Variants in METTL8 observed in about 807,000 individuals in gnomAD.
The protein encoded by METTL8 is tRNA N(3)-cytidine methyltransferase METTL8, mitochondrial.
Under a neutral mutation model 48.7 loss-of-function variants are expected in METTL8, and 32 were observed. The ratio of observed to expected loss-of-function variants is 0.66; its 90% CI spans 0.50 to 0.88. The LOEUF (loss-of-function observed/expected upper bound fraction) is 0.88. Among genes scored for constraint, METTL8 ranks in the 40% least tolerant of loss-of-function variants. The probability of loss-of-function intolerance (pLI) is 0.00; values close to 1 mark genes in which losing one functional copy is unlikely to be tolerated. For missense variants in METTL8, 464 were observed against 474.4 expected (o/e 0.98, Z 0.20); for synonymous variants, 136 against 157.1 (o/e 0.87, Z 1.01).
At chr2:171,376,394 A>T (rs1686967255) in intron 2 of METTL8, among the ~76,000 whole-genome samples, 1 of 152,090 alleles carries the variant, frequency 6.6e-6, no homozygotes, top group South Asian at 2.1e-4. Context: ...AATTGGAAAA[A>T]AGGAAGTCAA....
intron 1 of METTL8, among the ~76,000 whole-genome samples, chr2:171,393,129 G>C (rs1574109973): frequency 2.0e-5 from 3 of 151,372 alleles, no homozygotes; most frequent in East Asian, 2.0e-4. Flanking sequence ...AAACAAAAAT[G>C]CATGCTTAAG....
At chr2:171,364,062 C>T (rs1365310494) in intron 2 of METTL8, among the ~76,000 whole-genome samples, 2 of 151,758 alleles carry the variant, frequency 1.3e-5, no homozygotes, top group African/African-American at 4.8e-5. Context: ...ATTTGCCCGC[C>T]TCAGCCTCCC....
chr2:171,353,391 T>C (rs1684171812), intron 3 of METTL8, among the ~76,000 whole-genome samples: 1 of 152,200 alleles, frequency 6.6e-6, no homozygotes, highest in African/African-American at 2.4e-5. Flanking sequence ...CTTCTAACTA[T>C]GTGGTCAATT....
rs538576608 is a variant in METTL8, at chr2:171,353,343, T to C, written c.235+7079A>G. ...CTGTGGTCTGAGCGACTGTTTGTTA[T>C]AATTTCTGTTCTTTTACATTTGCCG... On this transcript the variant is annotated intron_variant, in intron 3 of 9. Transcript: ENST00000375258. 7.9e-5 allele frequency among the ~76,000 whole-genome samples: 12 copies of C among 152,358 alleles called. No homozygotes were observed. The South Asian group carries it at 1.0e-3, about 13-fold the overall frequency.
At chr2:171,402,902 G>A (rs908935438) in intron 1 of METTL8, among the ~76,000 whole-genome samples, 1 of 152,136 alleles carries the variant, frequency 6.6e-6, no homozygotes, top group East Asian at 1.9e-4. Context: ...GGAGCCAACT[G>A]AACGTGTAGC....
At chr2:171,425,719 A>G (rs916230468) in intron 1 of METTL8, among the ~76,000 whole-genome samples, 1 of 152,248 alleles carries the variant, frequency 6.6e-6, no homozygotes, top group Admixed American at 6.5e-5. Context: ...GACTTCTACA[A>G]GAATTTGAGG....
chr2:171,386,018 A>G (rs1165110569), intron 2 of METTL8, among the ~76,000 whole-genome samples: 1 of 152,204 alleles, frequency 6.6e-6, no homozygotes, highest in Non-Finnish European at 1.5e-5. Context: ...CTGAAATAGT[A>G]ACTCCCAGAA....
At chr2:171,394,577 T>C (rs1688881879) in intron 1 of METTL8, among the ~76,000 whole-genome samples, 1 of 152,184 alleles carries the variant, frequency 6.6e-6, no homozygotes, top group Admixed American at 6.5e-5. Flanking sequence ...TATGTGGCAA[T>C]TTCCCTACTT....
At chr2:171,434,070 C>T (rs540152787), upstream of METTL8, 145 of 304,320 alleles carry the variant, frequency 4.8e-4, no homozygotes, top group Admixed American at 1.6e-3. Flanking sequence ...CACCGCGCCC[C>T]CAGGGCTCTG....
chr2:171,412,529 T>A (rs1469898082), intron 1 of METTL8, among the ~76,000 whole-genome samples: 1 of 152,022 alleles, frequency 6.6e-6, no homozygotes, highest in Non-Finnish European at 1.5e-5. Flanking sequence ...CTTTAGGCAG[T>A]CTTCAAAAGG....
intron 2 of METTL8, among the ~76,000 whole-genome samples, chr2:171,385,264 A>T (rs983612673): frequency 3.4e-4 from 52 of 151,998 alleles, no homozygotes; most frequent in African/African-American, 1.3e-3. Context: ...AAAATAAAAT[A>T]AAACAAAATT....
chr2:171,396,773 G>C (rs565917641), intron 1 of METTL8, among the ~76,000 whole-genome samples: 1 of 151,780 alleles, frequency 6.6e-6, no homozygotes, highest in African/African-American at 2.4e-5. Context: ...CTAAAGCAGT[G>C]TATAGAGAGA....
rs964633634 is a variant in METTL8 at position 171,320,102 on chromosome 2, C to G, written c.*4070G>C. ...GCAACGCTTCATGATTTCTTAACAT[C>G]TATAGACAAAATTCCAAATAGGTCT... On this transcript the variant is annotated 3_prime_UTR_variant, in exon 10 of 10. Coordinates refer to ENST00000375258, the MANE Select transcript of METTL8 (RefSeq NM_001321154.2). 8 of 152,092 alleles carry G rather than the reference C, an allele frequency of 5.3e-5. No individual in the cohort carries two copies. Among genetic ancestry groups the G allele is most frequent in the African/African-American group, 1.9e-4 (8 of 41,412 alleles). The allele number at this position is 152,092 out of a possible 1,614,324, so 9.4% of individuals were successfully genotyped here.
At chr2:171,376,877 C>T (rs991615869) in intron 2 of METTL8, among the ~76,000 whole-genome samples, 7 of 152,000 alleles carry the variant, frequency 4.6e-5, no homozygotes, top group Non-Finnish European at 8.8e-5. Context: ...AAAAAGAGCC[C>T]ATAGAGCCAA....
intron 2 of METTL8, among the ~76,000 whole-genome samples, chr2:171,382,619 C>A (rs1170150007): frequency 1.3e-5 from 2 of 151,886 alleles, no homozygotes; most frequent in African/African-American, 4.8e-5. Context: ...CGCCTAAAAC[C>A]TAGATGACGG....
At chr2:171,426,231 G>A (rs1257072174) in intron 1 of METTL8, among the ~76,000 whole-genome samples, 1 of 152,004 alleles carries the variant, frequency 6.6e-6, no homozygotes, top group Non-Finnish European at 1.5e-5. Flanking sequence ...TAAATTAATT[G>A]TAATAAATTT....
At chr2:171,427,519 T>G (rs1260690507) in intron 1 of METTL8, among the ~76,000 whole-genome samples, 1 of 152,236 alleles carries the variant, frequency 6.6e-6, no homozygotes, top group Admixed American at 6.5e-5. Context: ...AGAGCCACAC[T>G]GGCCTTCTGA....
chr2:171,326,010 TA>T (rs1413701803), intron 8 of METTL8, 31 bp downstream of exon 8: 1 of 1,405,426 alleles, frequency 7.1e-7, no homozygotes, highest in Admixed American at 2.1e-5. Context: ...TTAGAACATT[TA>T]AAAATAACCT....
chr2:171,349,710 T>C (rs1683673864), intron 3 of METTL8, among the ~76,000 whole-genome samples: 1 of 152,108 alleles, frequency 6.6e-6, no homozygotes, highest in Non-Finnish European at 1.5e-5. Context: ...ATATGGCAGT[T>C]CTATTTTTTA....
Sources: allele counts gnomAD v4.1 joint callset (sites outside exome capture counted in the v4.1 genomes callset), GRCh38; gene constraint gnomAD v4.1.1; transcripts MANE v1.5; gene names NCBI Gene and HGNC (gene_info 2026-07-23, HGNC 2026-07-21).